The following RYR1 variants were observed in gnomAD, a reference collection of about 807,000 sequenced individuals.
The protein encoded by RYR1 is central core disease of muscle.
Under a neutral mutation model 583.5 loss-of-function variants are expected in RYR1, and 342 were observed. The ratio of observed to expected loss-of-function variants is 0.59; its 90% CI spans 0.54 to 0.64. The LOEUF is 0.64. Among genes scored for constraint, RYR1 ranks in the 30% least tolerant of loss-of-function variants. The pLI, the probability that RYR1 is intolerant of heterozygous loss-of-function variation, is 0.00. For synonymous variants in RYR1, 2,791 were observed against 2,822.5 expected (o/e 0.99, Z 0.35); for missense variants, 6,032 against 6,917.2 (o/e 0.87, Z 4.54).
At chr19:38,507,112 A>G (rs1282619741) in intron 57 of RYR1, among the ~76,000 whole-genome samples, 160 bp downstream of exon 57, 2 of 149,940 alleles carry the variant, frequency 1.3e-5, no homozygotes, top group Non-Finnish European at 1.5e-5. Flanking sequence ...GCCTGGACAC[A>G]GAGGCGGGGC....
In RYR1 at chr19:38,582,295, G is replaced by A. The variant is rs200257368; in HGVS notation, c.14646+1791G>A. On this transcript the variant is annotated intron_variant, in intron 101 of 105. Coordinates refer to ENST00000359596, the MANE Select transcript of RYR1 (RefSeq NM_000540.3). ...GCCTGTAATCCCAGCTACTCGGGAG[G>A]CTGAGACAGGAGAATCACTTGAACC... Among the ~76,000 whole-genome samples the A allele has an allele frequency of 3.8e-4, 58 of 152,140 alleles. 1 individual carries two copies. In the East Asian group the frequency reaches 0.011, roughly 29 times the overall value.
At chr19:38,474,564 CTTTTT>C (rs970000046) in intron 28 of RYR1, among the ~76,000 whole-genome samples, 8 of 88,226 alleles carry the variant, frequency 9.1e-5, no homozygotes, top group African/African-American at 2.9e-4. Context: ...CGCCCGGCTC[CTTTTT>C]TTTTTTTTTT....
rs369721558 is a variant in RYR1 at position 38,505,428 on chromosome 19, G to A, written c.8400+30G>A. The A allele has an allele frequency of 4.9e-4, 732 of 1,485,304 alleles. 2 individuals carry two copies. Among genetic ancestry groups the A allele is most frequent in the Non-Finnish European group, 6.5e-4 (704 of 1,076,558 alleles). The allele number at this position is 1,485,304 out of a possible 1,614,324, so 92.0% of individuals were successfully genotyped here. On this transcript the variant is annotated intron_variant, in intron 53 of 105. Transcript: ENST00000359596. Reference sequence around the variant, plus strand: ...CCAGGCCTTGGGGCCCAGCATTGAGGGTCAAAATGAAACCCCCAAATTTGA... The same window carrying A: ...CCAGGCCTTGGGGCCCAGCATTGAGAGTCAAAATGAAACCCCCAAATTTGA...
intron 89 of RYR1, among the ~76,000 whole-genome samples, chr19:38,559,387 T>C (rs972950396): frequency 5.9e-5 from 9 of 151,882 alleles, no homozygotes; most frequent in South Asian, 2.1e-4. Flanking sequence ...GCACGCACCA[T>C]CATGCCTAAC....
Position 38,478,482 on chromosome 19 carries a change from G to C in RYR1, c.4502G>C (p.Ser1501Thr). The change falls in exon 31 of 106, where the codon AGT (serine) becomes ACT (threonine). Residue 1501 changes from serine (S) to threonine (T), a missense_variant. By Grantham distance (58) the Ser-to-Thr change is moderately conservative (BLOSUM62 1). Transcript: ENST00000359596. Reference protein sequence around the residue: ...CYMVWGGDFVSPGQQGRISHT... With the variant: ...CYMVWGGDFVTPGQQGRISHT... ...ATGGTGTGGGGCGGAGACTTTGTGAGTCCCGGGCAGCAGGGCCGGATCAGC... is the reference window on the plus strand; with the variant it reads ...ATGGTGTGGGGCGGAGACTTTGTGACTCCCGGGCAGCAGGGCCGGATCAGC... 2.5e-6 allele frequency: 4 copies of C among 1,614,136 alleles called. No individual in the cohort carries two copies. Among genetic ancestry groups the C allele is most frequent in the Non-Finnish European group, 3.4e-6 (4 of 1,180,044 alleles).
At position 38,565,872 on chromosome 19, in the gene RYR1, C is replaced by G. The variant is rs1353273665; in HGVS notation, c.13437+101C>G. The G allele has an allele frequency of 2.4e-6, 3 of 1,265,370 alleles. No individual in the cohort carries two copies. The highest frequency in any genetic ancestry group is 3.0e-6 in the Non-Finnish European group (3 of 992,756). 78.4% of individuals were successfully genotyped at this position (1,265,370 alleles called of 1,614,324 possible). On this transcript the variant is annotated intron_variant, in intron 91 of 105. Transcript: ENST00000359596. The surrounding 1 kb of genome is among the most constrained non-coding windows in gnomAD (Gnocchi z 4.7). ...AGACACACACAGAGGAGAGAACTGG[C>G]TAGGGGGATGGGCACACGCACCCAC... is the stretch of plus-strand genomic sequence containing the variant.
chr19:38,573,111 T>A, intron 95 of RYR1, 66 bp from the exon 96 acceptor site: 1 of 1,607,624 alleles, frequency 6.2e-7, no homozygotes, highest in Non-Finnish European at 8.5e-7. Flanking sequence ...ATGTCATGGC[T>A]TCTGCTGAGA....
At chr19:38,585,840 T>C (rs2145917003) in intron 102 of RYR1, 98 bp from the exon 103 acceptor site, 1 of 1,388,566 alleles carries the variant, frequency 7.2e-7, no homozygotes. Context: ...ATTAGGGAAA[T>C]GGGGGATGGA....
At chr19:38,447,044 A>T (rs549918753) in intron 9 of RYR1, among the ~76,000 whole-genome samples, 24 of 152,012 alleles carry the variant, frequency 1.6e-4, no homozygotes, top group African/African-American at 4.6e-4. Flanking sequence ...TCTCTGCAAA[A>T]AAAATAAAAT....
At chr19:38,436,451 C>A (rs948582216) in intron 1 of RYR1, among the ~76,000 whole-genome samples, 4 of 152,080 alleles carry the variant, frequency 2.6e-5, no homozygotes, top group African/African-American at 9.7e-5. Context: ...TCAAGAAATC[C>A]TCCGGCCTTG....
chr19:38,583,566 C>T (rs142356610), intron 101 of RYR1, among the ~76,000 whole-genome samples: 190 of 151,906 alleles, frequency 1.3e-3, no homozygotes, highest in African/African-American at 4.4e-3. Flanking sequence ...CTTCTTGTGG[C>T]TCCCCAGCCC....
In RYR1 at chr19:38,444,406, T is replaced by C. The variant is rs1014071956; in HGVS notation, c.537+145T>C. The C allele has an allele frequency of 4.7e-6, 4 of 856,858 alleles. No homozygotes were observed. In the African/African-American group the frequency reaches 6.7e-5, roughly 14 times the overall value. 53.1% of individuals were successfully genotyped at this position (856,858 alleles called of 1,614,324 possible). A position where few individuals can be genotyped will look rare whatever the true frequency, so the allele number is the denominator to read the frequency against. On this transcript the variant is annotated intron_variant, in intron 6 of 105. Coordinates refer to ENST00000359596, the MANE Select transcript of RYR1 (RefSeq NM_000540.3). The surrounding 1 kb of genome is among the most constrained non-coding windows in gnomAD (Gnocchi z 5.1). ...CATTTCCTGACCCCTGACATCCAAT[T>C]TTCTGATTTCTGACCTCCCATTGCC...
At position 38,440,736 on chromosome 19, in the gene RYR1, G is replaced by T; in HGVS notation, c.46-9G>T. 1 of 1,605,140 alleles carries T rather than the reference G, an allele frequency of 6.2e-7. No individual in the cohort carries two copies. The highest frequency in any genetic ancestry group is 8.5e-7 in the Non-Finnish European group (1 of 1,175,074). On this transcript the variant is annotated splice_polypyrimidine_tract_variant and intron_variant, in intron 1 of 105. Coordinates refer to ENST00000359596, the MANE Select transcript of RYR1 (RefSeq NM_000540.3). The stretch of plus-strand genomic sequence containing the variant: ...GCCCCCCTGGAGACGCTGCCCCTCG[G>T]TTCCGCAGGACGATGAGGTGGTCCT...
chr19:38,579,911 G>T, intron 99 of RYR1, 71 bp from the exon 100 acceptor site: 9 of 1,602,462 alleles, frequency 5.6e-6, no homozygotes, highest in Non-Finnish European at 7.7e-6. Flanking sequence ...CTCTCGAGTG[G>T]CCCCTACCCT....
intron 72 of RYR1, 147 bp from the exon 73 acceptor site, chr19:38,527,500 G>C (rs1181292579): frequency 2.8e-6 from 3 of 1,056,692 alleles, no homozygotes; most frequent in Non-Finnish European, 2.8e-6. Context: ...ATGGGGCGAG[G>C]CTCCGTCTCA....
chr19:38,455,972 T>TTG (rs921974493), intron 16 of RYR1, among the ~76,000 whole-genome samples: 29 of 100,708 alleles, frequency 2.9e-4, no homozygotes, highest in African/African-American at 8.0e-4. Flanking sequence ...GAAATGTTTT[T>TTG]TTTTTTTTTT....
At chr19:38,447,874 TA>T (rs1411050428) in intron 9 of RYR1, among the ~76,000 whole-genome samples, 3 of 140,326 alleles carry the variant, frequency 2.1e-5, no homozygotes, top group Admixed American at 1.4e-4. Flanking sequence ...AAAACAAAAA[TA>T]AAAAATGAAG....
intron 94 of RYR1, among the ~76,000 whole-genome samples, chr19:38,571,372 G>A (rs1230274583): frequency 6.6e-6 from 1 of 152,136 alleles, no homozygotes; most frequent in Admixed American, 6.6e-5. Flanking sequence ...AGTGGCTCAC[G>A]CCTGTAATCC....
In RYR1 at chr19:38,457,497, G is replaced by A. The variant is rs930876441; in HGVS notation, c.1792G>A (p.Val598Ile). The change falls in exon 17 of 106, where the codon GTC becomes ATC. Residue 598 changes from valine to isoleucine, a missense_variant and splice_region_variant. Physicochemically the swap from Val to Ile is conservative, Grantham distance 29. This residue lies in a region of RYR1 where 2,627 missense variants were observed against 2,961.3 expected (regional missense o/e 0.89). Transcript: ENST00000359596. ...LLDKHGRNHKVLDVLCSLCVC... is the reference protein window; with the variant it reads ...LLDKHGRNHKILDVLCSLCVC... ...TTTAACCTCTGACCTTGACCTCTAG[G>A]TCCTGGACGTGCTATGCTCCCTGTG... The A allele has an allele frequency of 1.2e-6, 2 of 1,613,824 alleles. No individual in the cohort carries two copies. Among genetic ancestry groups the A allele is most frequent in the East Asian group, 2.2e-5 (1 of 44,888 alleles).
Sources: gnomAD v4.1 joint callset for allele counts (sites outside exome capture counted in the v4.1 genomes callset) on GRCh38, gnomAD v4.1.1 for gene constraint, gnomAD v4.1.1 regional missense constraint, Gnocchi (gnomAD v3.1) non-coding constraint, MANE v1.5 for transcripts, NCBI Gene and HGNC (gene_info 2026-07-23, HGNC 2026-07-21) for gene names.